Variants in DUS2 observed in about 807,000 individuals in gnomAD.
DUS2 encodes the protein dihydrouridine synthase 2, also known as tRNA-dihydrouridine(20) synthase [NAD(P)+]-like.
Under a neutral mutation model 71.3 loss-of-function variants are expected in DUS2, and 52 were observed. That is an observed-to-expected ratio of 0.73 (90% CI 0.58 to 0.92). DUS2 has a LOEUF of 0.92. DUS2 is among the 40% of genes least tolerant of loss of function. DUS2 has a pLI of 0.00. For missense variants in DUS2, 558 were observed against 622.6 expected (o/e 0.90, Z 1.10); for synonymous variants, 204 against 227.8 (o/e 0.90, Z 0.94).
intron 4 of DUS2, among the ~76,000 whole-genome samples, chr16:68,052,986 G>A (rs1297019133): frequency 7.8e-5 from 10 of 128,018 alleles, no homozygotes; most frequent in East Asian, 2.3e-4. Flanking sequence ...TTTTCGAGAC[G>A]GAGTCTTGCT....
Position 68,073,928 on chromosome 16 carries a change from A to G in DUS2, c.811-106A>G, listed in dbSNP as rs1407973685. ...TTATGGGGGTCACATTGCCTTGGCT[A>G]CACATACATCTCTGGTGCCTTCTTG... On this transcript the variant is annotated intron_variant, in intron 12 of 16. Transcript: ENST00000565263. The G allele has an allele frequency of 1.6e-5, 23 of 1,430,558 alleles. No homozygotes were observed. The East Asian group carries it at 5.3e-4, about 33-fold the overall frequency. 88.6% of individuals were successfully genotyped at this position (1,430,558 alleles called of 1,614,324 possible). A position where few individuals can be genotyped will look rare whatever the true frequency, so the allele number is the denominator to read the frequency against.
At chr16:68,024,812 A>G (rs1393890083) in intron 1 of DUS2, among the ~76,000 whole-genome samples, 1 of 147,624 alleles carries the variant, frequency 6.8e-6, no homozygotes, top group Non-Finnish European at 1.5e-5. Context: ...CTCCCACCAT[A>G]TTTGACAATG....
chr16:68,066,690 ATCCT>A, intron 10 of DUS2, 54 bp downstream of exon 10: 1 of 1,558,098 alleles, frequency 6.4e-7, no homozygotes, highest in Non-Finnish European at 8.8e-7. Flanking sequence ...CATCTTAGTG[ATCCT>A]TCCTTAATTG....
Position 68,046,773 on chromosome 16 carries a change from GT to G in DUS2, c.127-2731del, listed in dbSNP as rs1182246654. Among the ~76,000 whole-genome samples the G allele has an allele frequency of 3.3e-5, 5 of 149,898 alleles. No homozygotes were observed. In the East Asian group the frequency reaches 9.7e-4, roughly 29 times the overall value. On this transcript the variant is annotated intron_variant, in intron 3 of 16. Coordinates refer to ENST00000565263, the MANE Select transcript of DUS2 (RefSeq NM_017803.5). ...TGATTTTTTTTTTTTTTGAGACGAA[GT>G]CTTGCTCTGTCGCCGAGGCTGGAGT...
chr16:68,035,011 A>G (rs1188425909), intron 2 of DUS2, among the ~76,000 whole-genome samples: 1 of 152,114 alleles, frequency 6.6e-6, no homozygotes, highest in Non-Finnish European at 1.5e-5. Context: ...TTAAAAAAAA[A>G]ACAAAAACAT....
intron 12 of DUS2, among the ~76,000 whole-genome samples, chr16:68,073,706 C>T (rs1229918516): frequency 1.3e-5 from 2 of 152,148 alleles, no homozygotes; most frequent in African/African-American, 4.8e-5. Context: ...GCCTTGGCCT[C>T]CCAAGGTGCT....
chr16:68,058,064 C>G (rs1013234402), intron 7 of DUS2, among the ~76,000 whole-genome samples: 1 of 151,798 alleles, frequency 6.6e-6, no homozygotes, highest in Non-Finnish European at 1.5e-5. Context: ...GTGGTATAAG[C>G]AGGGGCCTGG....
intron 14 of DUS2, among the ~76,000 whole-genome samples, chr16:68,075,839 C>T (rs2034149072): frequency 6.6e-6 from 1 of 152,216 alleles, no homozygotes; most frequent in African/African-American, 2.4e-5. Flanking sequence ...GCTCCTCAAA[C>T]AACAGCAGGA....
In DUS2 at chr16:68,075,508, G is replaced by A. The variant is rs773186204; in HGVS notation, c.1082+4G>A. Reference sequence around the variant, plus strand: ...AGATGGCTGTCAAGTTTGACCGGTAGGTCTCCAGCTTGGCCTCAGCTTGGG... The same window carrying A: ...AGATGGCTGTCAAGTTTGACCGGTAAGTCTCCAGCTTGGCCTCAGCTTGGG... On this transcript the variant is annotated splice_donor_region_variant and intron_variant, in intron 14 of 16. Transcript: ENST00000565263. 2 of 1,609,948 alleles carry A rather than the reference G, an allele frequency of 1.2e-6. No homozygotes were observed. The highest frequency in any genetic ancestry group is 1.7e-6 in the Non-Finnish European group (2 of 1,177,728).
chr16:68,041,364 C>T (rs754316455), intron 3 of DUS2, among the ~76,000 whole-genome samples: 8 of 152,098 alleles, frequency 5.3e-5, no homozygotes, highest in Non-Finnish European at 1.0e-4. Flanking sequence ...GCAGAGGCCG[C>T]GTTCCTGTTT....
chr16:68,054,478 G>A, intron 5 of DUS2, 96 bp from the exon 6 acceptor site: 1 of 1,286,532 alleles, frequency 7.8e-7, no homozygotes, highest in Non-Finnish European at 1.1e-6. Context: ...TGGTGTGTGG[G>A]GTGTGTGTGT....
chr16:68,036,679 A>G (rs935938910), intron 2 of DUS2, among the ~76,000 whole-genome samples: 2 of 152,170 alleles, frequency 1.3e-5, no homozygotes, highest in African/African-American at 2.4e-5. Context: ...ACTTCAAGTG[A>G]TCCACCCACC....
In DUS2 at chr16:68,038,071, G is replaced by A. The variant is rs377656104; in HGVS notation, c.48G>A (p.Leu16=). The change falls in exon 3 of 17, where the codon CTG becomes CTA. Residue 16 remains leucine, a synonymous_variant. Transcript: ENST00000565263. ...TGTGTTACCATAATAAGCTAATCCT[G>A]GCCCCAATGGTTCGGGTAGGGACTC... ...LSLCYHNKLI[L]APMVRVGTLP... is the part of the protein sequence containing the mutation. The A allele has an allele frequency of 1.1e-5, 17 of 1,613,524 alleles. No homozygotes were observed. Among genetic ancestry groups the A allele is most frequent in the Non-Finnish European group, 1.4e-5 (16 of 1,179,896 alleles).
chr16:68,071,144 C>A, intron 12 of DUS2, 36 bp downstream of exon 12: 1 of 1,608,164 alleles, frequency 6.2e-7, no homozygotes, highest in South Asian at 1.1e-5. Context: ...AAGCATTTCT[C>A]ACTGTCTACC....
chr16:68,066,669 A>T, intron 10 of DUS2, 33 bp downstream of exon 10: 1 of 1,606,046 alleles, frequency 6.2e-7, no homozygotes, highest in Non-Finnish European at 8.5e-7. Context: ...ACTGGCAGGG[A>T]GGTCCTAACC....
chr16:68,074,287 G>A, intron 13 of DUS2, 132 bp downstream of exon 13: 1 of 1,202,636 alleles, frequency 8.3e-7, no homozygotes, highest in Non-Finnish European at 1.2e-6. Context: ...TGGAGTGATG[G>A]TACAGCTTTG....
In DUS2 at chr16:68,066,601, G is replaced by A; in HGVS notation, c.519G>A (p.Glu173=). ...CCCTGAGCCTTGTGAAGCGGATAGA[G>A]AGGACTGGCATTGCTGCCATCGCAG... The part of the protein sequence containing the change: ...EDTLSLVKRI[E]RTGIAAIAVH... The change falls in exon 10 of 17, where the codon GAG becomes GAA. Residue 173 remains glutamate (E), a synonymous_variant. Transcript: ENST00000565263. 1 of 1,614,228 alleles carries A rather than the reference G, an allele frequency of 6.2e-7. No homozygotes were observed. The highest frequency in any genetic ancestry group is 8.5e-7 in the Non-Finnish European group (1 of 1,180,026).
intron 13 of DUS2, among the ~76,000 whole-genome samples, chr16:68,074,780 C>G (rs192256126): frequency 6.6e-6 from 1 of 152,218 alleles, no homozygotes; most frequent in African/African-American, 2.4e-5. Flanking sequence ...GATCTATCTT[C>G]GTTTGAGTCT....
intron 8 of DUS2, among the ~76,000 whole-genome samples, chr16:68,063,923 A>T (rs1326867321): frequency 6.6e-6 from 1 of 152,126 alleles, no homozygotes; most frequent in African/African-American, 2.4e-5. Flanking sequence ...GGGTTTCACC[A>T]TGTTGTTCAG....
Sources: gnomAD v4.1 joint callset for allele counts (sites outside exome capture counted in the v4.1 genomes callset) on GRCh38, gnomAD v4.1.1 for gene constraint, MANE v1.5 for transcripts, NCBI Gene and HGNC (gene_info 2026-07-23, HGNC 2026-07-21) for gene names.